Variants in WNK1 observed in about 807,000 individuals in gnomAD.
WNK1 encodes serine/threonine-protein kinase WNK1.
In WNK1, 38 loss-of-function variants were observed where a neutral mutation model predicts 222.8. The observed-to-expected ratio is 0.17, with a 90% CI of 0.13 to 0.22. WNK1 has a LOEUF of 0.22. Ranked by LOEUF, WNK1 falls within the 10% of genes least tolerant of loss-of-function variation. The pLI is 1.00. For missense variants in WNK1, 2,348 were observed against 2,918.4 expected (o/e 0.80, Z 4.50); for synonymous variants, 1,090 against 1,092.9 (o/e 1.00, Z 0.05).
intron 20 of WNK1, among the ~76,000 whole-genome samples, chr12:887,982 G>A (rs1360900300): frequency 1.3e-5 from 2 of 152,064 alleles, no homozygotes; most frequent in South Asian, 2.1e-4. Context: ...AGAATTACCT[G>A]TAATATTTAT....
At chr12:887,376 A>G in intron 20 of WNK1, 72 bp downstream of exon 20, 9 of 1,489,856 alleles carry the variant, frequency 6.0e-6, no homozygotes, top group Non-Finnish European at 7.5e-6. Context: ...GTTCTCCACT[A>G]CGTGGTCTTG....
At chr12:865,237 C>G in intron 8 of WNK1, 2 of 1,536,084 alleles carry the variant, frequency 1.3e-6, no homozygotes, top group Non-Finnish European at 8.7e-7. Context: ...TCCTTCCCTC[C>G]TCCGGACTGC....
intron 1 of WNK1, among the ~76,000 whole-genome samples, chr12:801,336 G>T (rs959802446): frequency 6.6e-6 from 1 of 152,092 alleles, no homozygotes; most frequent in Non-Finnish European, 1.5e-5. Context: ...GCTTAGCAGC[G>T]TTGAAAATTG....
At chr12:907,789 C>T in intron 26 of WNK1, 58 bp from the exon 27 acceptor site, 6 of 1,602,580 alleles carry the variant, frequency 3.7e-6, no homozygotes, top group South Asian at 1.1e-5. Flanking sequence ...AGTTTTCCCT[C>T]TTCCTGAAAT....
chr12:869,206 A>G (rs1951936501), intron 8 of WNK1: 3 of 1,503,906 alleles, frequency 2.0e-6, no homozygotes, highest in Admixed American at 1.7e-5. Context: ...TTTTGGAGAA[A>G]TATTGTTTAA....
At chr12:824,656 T>C (rs1948202102) in intron 2 of WNK1, among the ~76,000 whole-genome samples, 1 of 124,508 alleles carries the variant, frequency 8.0e-6, no homozygotes, top group East Asian at 2.6e-4. Flanking sequence ...AGGGAGGTGC[T>C]ATGGGAATAG....
rs72650729 is a variant in WNK1, at chr12:884,584, A to G, written c.3845-65A>G. On this transcript the variant is annotated intron_variant, in intron 18 of 27. Transcript: ENST00000315939. The surrounding 1 kb of genome is among the most constrained non-coding windows in gnomAD (Gnocchi z 5.6). ...TTTATAGGAGCTGACTTAGGCTAGC[A>G]GACAATCTTTTGAATCCATCCTTTT... is the stretch of plus-strand genomic sequence containing the variant. 1.1e-3 allele frequency: 1,668 copies of G among 1,513,774 alleles called. 22 individuals are homozygous for G. In the African/African-American group the frequency reaches 0.02, roughly 18 times the overall value. The allele number at this position is 1,513,774 out of a possible 1,614,324, so 93.8% of individuals were successfully genotyped here.
intron 2 of WNK1, among the ~76,000 whole-genome samples, chr12:817,833 A>ATCAGC (rs66842321): frequency 0.56 from 84,835 of 151,562 alleles, 24,190 homozygotes; most frequent in East Asian, 0.81. Context: ...GGCGCCTGTA[A>ATCAGC]TCCCAGCTAC....
intron 4 of WNK1, among the ~76,000 whole-genome samples, chr12:853,755 G>A (rs1000121467): frequency 2.0e-5 from 3 of 152,114 alleles, no homozygotes; most frequent in African/African-American, 7.2e-5. Context: ...ATGGAAGAAG[G>A]AACTTTTTTT....
intron 9 of WNK1, among the ~76,000 whole-genome samples, chr12:877,297 G>A (rs980806244): frequency 7.2e-5 from 11 of 152,106 alleles, no homozygotes; most frequent in Non-Finnish European, 1.3e-4. Context: ...ACTCTGGACC[G>A]CAGGTGATCT....
At chr12:810,622 C>G (rs562269481) in intron 1 of WNK1, among the ~76,000 whole-genome samples, 151 of 152,202 alleles carry the variant, frequency 9.9e-4, no homozygotes, top group African/African-American at 3.6e-3. Context: ...TGAACAATAG[C>G]AAAGGATGGG....
intron 5 of WNK1, among the ~76,000 whole-genome samples, chr12:858,392 A>G (rs889188781): frequency 6.6e-6 from 1 of 151,954 alleles, no homozygotes; most frequent in African/African-American, 2.4e-5. Flanking sequence ...GTTTCACCAT[A>G]TTGGTCAGGC....
rs1232202559 is a variant in WNK1, at chr12:896,106, T to G, written c.5619T>G (p.Gly1873=). The change falls in exon 24 of 28, where the codon GGT becomes GGG. Residue 1873 remains glycine, a synonymous_variant. Transcript: ENST00000315939. ...CAGCAGACGGTGCCCAGAAAGAGGG[T>G]AAAAATAAGTCAGAAGATGCAAAGT... ...SVAADGAQKE[G]KNKSEDAKSV... is the part of the protein sequence containing the mutation. The G allele has an allele frequency of 1.4e-5, 22 of 1,614,130 alleles. No homozygotes were observed. Among genetic ancestry groups the G allele is most frequent in the Non-Finnish European group, 1.9e-5 (22 of 1,180,022 alleles).
At chr12:845,142 G>T (rs904373672) in intron 4 of WNK1, among the ~76,000 whole-genome samples, 1 of 151,906 alleles carries the variant, frequency 6.6e-6, no homozygotes, top group Non-Finnish European at 1.5e-5. Context: ...TGATCCGCCC[G>T]CCTCAGCCTC....
Position 861,217 on chromosome 12 carries a change from G to A in WNK1, c.1825G>A (p.Ala609Thr), listed in dbSNP as rs1186230082. Reference protein sequence around the residue: ...SQTGIKQLPSASTGIPTASTT... With the variant: ...SQTGIKQLPSTSTGIPTASTT... ...GACAGGAATCAAGCAGCTCCCTTCT[G>A]CTAGCACCGGCATACCTACTGCTTC... The change falls in exon 7 of 28, where the codon GCT becomes ACT. Residue 609 changes from alanine (A) to threonine (T), a missense_variant. Around this residue, in one of 13 missense-constraint regions of WNK1, gnomAD observed 103 missense variants for 111.5 expected, o/e 0.92. Coordinates refer to ENST00000315939, the MANE Select transcript of WNK1 (RefSeq NM_018979.4). 12 of 1,613,946 alleles carry A rather than the reference G, an allele frequency of 7.4e-6. No homozygotes were observed. The highest frequency in any genetic ancestry group is 1.6e-4 in the Middle Eastern group (1 of 6,062).
chr12:873,713 AAAAG>A (rs1327863113), intron 9 of WNK1, among the ~76,000 whole-genome samples: 1 of 152,220 alleles, frequency 6.6e-6, no homozygotes, highest in African/African-American at 2.4e-5. Flanking sequence ...CACGTTTGAA[AAAAG>A]AAAGGTTGAA....
In WNK1 at chr12:880,956, T is replaced by C. The variant is rs766021155; in HGVS notation, c.3068T>C (p.Leu1023Ser). The C allele has an allele frequency of 3.1e-6, 5 of 1,614,180 alleles. No homozygotes were observed. The highest frequency in any genetic ancestry group is 4.2e-6 in the Non-Finnish European group (5 of 1,180,024). ...CAAGTGTCCCAGCCAGGAGGGAGTT[T>C]AGCACAAGCCCCCACTACATCCTCC... Reference protein sequence around the residue: ...QVQVSQPGGSLAQAPTTSSQQ... With the variant: ...QVQVSQPGGSSAQAPTTSSQQ... The change falls in exon 12 of 28, where the codon TTA becomes TCA. Residue 1023 changes from leucine to serine, a missense_variant. This residue lies in a region of WNK1 where 547 missense variants were observed against 558.3 expected (regional missense o/e 0.98). Coordinates refer to ENST00000315939, the MANE Select transcript of WNK1 (RefSeq NM_018979.4).
Position 899,760 on chromosome 12 carries a change from C to T in WNK1, c.6449-716C>T, listed in dbSNP as rs13313214. 6.1e-3 allele frequency among the ~76,000 whole-genome samples: 927 copies of T among 152,232 alleles called. 4 individuals are homozygous for T. Among genetic ancestry groups the T allele is most frequent in the African/African-American group, 0.021 (883 of 41,522 alleles). ...TGACCTCCATCATTTTTGAACACCT[C>T]TTTTGTATTTGCTCTGATGCACGTT... On this transcript the variant is annotated intron_variant, in intron 25 of 27. Coordinates refer to ENST00000315939, the MANE Select transcript of WNK1 (RefSeq NM_018979.4).
chr12:814,528 A>G (rs1947180934), intron 2 of WNK1, among the ~76,000 whole-genome samples: 1 of 152,194 alleles, frequency 6.6e-6, no homozygotes, highest in South Asian at 2.1e-4. Flanking sequence ...TCCATTTCCC[A>G]TAACATCAGA....
Sources: gnomAD v4.1 joint callset for allele counts (sites outside exome capture counted in the v4.1 genomes callset) on GRCh38, gnomAD v4.1.1 for gene constraint, gnomAD v4.1.1 regional missense constraint, Gnocchi (gnomAD v3.1) non-coding constraint, MANE v1.5 for transcripts, NCBI Gene and HGNC (gene_info 2026-07-23, HGNC 2026-07-21) for gene names.